SERAC1: variants seen among roughly 807,000 people sequenced by gnomAD.
SERAC1 encodes protein SERAC1.
A neutral mutation model predicts 85.7 loss-of-function variants in SERAC1; 36 were observed. That is an observed-to-expected ratio of 0.42 (90% CI 0.32 to 0.55). The LOEUF is 0.55. Among genes scored for constraint, SERAC1 ranks in the 20% least tolerant of loss-of-function variants. The probability of loss-of-function intolerance (pLI) is 0.11; values close to 1 mark genes in which losing one functional copy is unlikely to be tolerated. For synonymous variants in SERAC1, 242 were observed against 265.3 expected (o/e 0.91, Z 0.85); for missense variants, 629 against 796.2 (o/e 0.79, Z 2.53).
intron 1 of SERAC1, among the ~76,000 whole-genome samples, chr6:158,160,201 C>T (rs1040802966): frequency 1.3e-5 from 2 of 151,814 alleles, no homozygotes. Context: ...TGTCGATTTA[C>T]CCCTTTTGTT....
At chr6:158,130,691 G>A (rs574911168) in intron 8 of SERAC1, among the ~76,000 whole-genome samples, 7 of 152,174 alleles carry the variant, frequency 4.6e-5, no homozygotes, top group Admixed American at 2.0e-4. Flanking sequence ...CAAGAAGAGC[G>A]CAACCTGTGT....
At chr6:158,137,028 C>T (rs987603625) in intron 8 of SERAC1, among the ~76,000 whole-genome samples, 2 of 151,828 alleles carry the variant, frequency 1.3e-5, no homozygotes, top group Admixed American at 6.6e-5. Flanking sequence ...CATGGTGGCT[C>T]GCGCCTGTAG....
rs944107365 is a variant in SERAC1, at chr6:158,117,337, A to T, written c.1403+390T>A. The stretch of plus-strand genomic sequence containing the variant: ...TGTATACAACTGGCACAGATGACAT[A>T]CAAGGGAAATAGCAGCTGATATTTC... On this transcript the variant is annotated intron_variant, in intron 13 of 16. Coordinates refer to ENST00000647468, the MANE Select transcript of SERAC1 (RefSeq NM_032861.4). This position sits in a 1 kb window ranked among gnomAD's most constrained non-coding sequence, Gnocchi z 4.3. 3.2e-6 allele frequency: 2 copies of T among 627,104 alleles called. No individual in the cohort carries two copies. The highest frequency in any genetic ancestry group is 6.0e-5 in the Admixed American group (2 of 33,512). The allele number at this position is 627,104 out of a possible 1,614,324, so 38.8% of individuals were successfully genotyped here. A position where few individuals can be genotyped will look rare whatever the true frequency, so the allele number is the denominator to read the frequency against.
At position 158,120,082 on chromosome 6, in the gene SERAC1, A is replaced by G. The variant is rs182245691; in HGVS notation, c.1166+343T>C. ...TCTCCTTCCTATTCAGCTGACTTCT[A>G]CAATCCAAATCAGTTATTAACTCAG... On this transcript the variant is annotated intron_variant, in intron 11 of 16. Coordinates refer to ENST00000647468, the MANE Select transcript of SERAC1 (RefSeq NM_032861.4). The surrounding 1 kb of genome is among the most constrained non-coding windows in gnomAD (Gnocchi z 4.4). Among the ~76,000 whole-genome samples the G allele has an allele frequency of 1.9e-3, 296 of 152,322 alleles. 1 individual carries two copies. The highest frequency in any genetic ancestry group is 6.5e-3 in the African/African-American group (272 of 41,574).
chr6:158,128,166 C>A lies in SERAC1; in HGVS notation c.957G>T (p.Met319Ile). 1 of 1,614,098 alleles carries A rather than the reference C, an allele frequency of 6.2e-7. No homozygotes were observed. The highest frequency in any genetic ancestry group is 8.5e-7 in the Non-Finnish European group (1 of 1,179,986). Residue 319 changes from methionine to isoleucine, a missense_variant, in exon 10 of 17, where the codon ATG (methionine) becomes ATT (isoleucine). Coordinates refer to ENST00000647468, the MANE Select transcript of SERAC1 (RefSeq NM_032861.4). ...KDCPKVQRNIMRVIGNMALNE... is the reference protein window; with the variant it reads ...KDCPKVQRNIIRVIGNMALNE... ...TCAAAGCCATATTTCCAATGACACG[C>A]ATTATATTTCTCTGTACTTTAGGGC...
intron 8 of SERAC1, among the ~76,000 whole-genome samples, chr6:158,136,477 C>T (rs565944391): frequency 1.2e-4 from 19 of 152,148 alleles, no homozygotes; most frequent in South Asian, 4.2e-4. Context: ...CGCCTCTGTA[C>T]GTGAGGAGTT....
At chr6:158,122,339 A>T (rs906615697) in intron 10 of SERAC1, among the ~76,000 whole-genome samples, 4 of 152,258 alleles carry the variant, frequency 2.6e-5, no homozygotes, top group Non-Finnish European at 5.9e-5. Flanking sequence ...GTAAAAAATA[A>T]TGAAATAACT....
In SERAC1 at chr6:158,146,781, C is replaced by T; in HGVS notation, c.487+1G>A. Reference sequence around the variant, plus strand: ...GCCACCTGTTCAGGTAGTCTCATTACCATGCCAGTGATGGGTCTCCGACAT... The same window carrying T: ...GCCACCTGTTCAGGTAGTCTCATTATCATGCCAGTGATGGGTCTCCGACAT... On this transcript the variant is annotated splice_donor_variant, in intron 6 of 16. Transcript: ENST00000647468. LOFTEE classifies it high-confidence loss of function. 2 of 1,613,324 alleles carry T rather than the reference C, an allele frequency of 1.2e-6. No homozygotes were observed. Among genetic ancestry groups the T allele is most frequent in the Non-Finnish European group, 1.7e-6 (2 of 1,179,506 alleles).
intron 1 of SERAC1, among the ~76,000 whole-genome samples, chr6:158,163,823 G>A (rs552395398): frequency 7.2e-5 from 11 of 151,976 alleles, no homozygotes; most frequent in South Asian, 4.2e-4. Flanking sequence ...TGCAACCTCC[G>A]CCTCCCAGGT....
At chr6:158,124,981 G>T (rs913016529) in intron 10 of SERAC1, among the ~76,000 whole-genome samples, 2 of 151,976 alleles carry the variant, frequency 1.3e-5, no homozygotes, top group Non-Finnish European at 2.9e-5. Flanking sequence ...CATATATACA[G>T]AAAAAAGGGA....
At chr6:158,167,396 G>C (rs1785626731) in intron 1 of SERAC1, among the ~76,000 whole-genome samples, 1 of 151,660 alleles carries the variant, frequency 6.6e-6, no homozygotes, top group African/African-American at 2.4e-5. Context: ...AAATCAGCCG[G>C]GCGTGGTAGC....
chr6:158,140,793 A>C (rs979667311), intron 8 of SERAC1, among the ~76,000 whole-genome samples: 1 of 152,164 alleles, frequency 6.6e-6, no homozygotes, highest in Non-Finnish European at 1.5e-5. Context: ...AAATTGAAGG[A>C]CACTGAGCTG....
intron 8 of SERAC1, among the ~76,000 whole-genome samples, chr6:158,140,110 A>T (rs1399274621): frequency 2.0e-5 from 3 of 152,216 alleles, no homozygotes; most frequent in Non-Finnish European, 4.4e-5. Context: ...TGATATTGAG[A>T]TCTAATAAGA....
intron 13 of SERAC1, 162 bp from the exon 14 acceptor site, chr6:158,116,444 T>TA: frequency 1.7e-6 from 1 of 586,900 alleles, no homozygotes; most frequent in Non-Finnish European, 3.0e-6. Context: ...AAAATACCCC[T>TA]ATTCTCTCTT....
intron 3 of SERAC1, among the ~76,000 whole-genome samples, chr6:158,152,422 A>G (rs1266129943): frequency 6.6e-6 from 1 of 152,184 alleles, no homozygotes; most frequent in African/African-American, 2.4e-5. Context: ...AGGCTGAGAC[A>G]GGAGAATTGC....
chr6:158,157,286 C>T (rs369585905), intron 2 of SERAC1, among the ~76,000 whole-genome samples: 1 of 152,042 alleles, frequency 6.6e-6, no homozygotes, highest in African/African-American at 2.4e-5. Context: ...CATGAGTCAC[C>T]GCACCCAGCC....
In SERAC1 at chr6:158,117,416, A is replaced by C. The variant is rs1784315239; in HGVS notation, c.1403+311T>G. The C allele has an allele frequency of 1.7e-6, 2 of 1,202,420 alleles. No individual in the cohort carries two copies. Among genetic ancestry groups the C allele is most frequent in the Non-Finnish European group, 2.3e-6 (2 of 865,244 alleles). 74.5% of individuals were successfully genotyped at this position (1,202,420 alleles called of 1,614,324 possible). The stretch of plus-strand genomic sequence containing the variant: ...CCAGTATGATTGTGGACACAAGAAC[A>C]AAAAAACATCACTTTTACTTCTGAT... On this transcript the variant is annotated intron_variant, in intron 13 of 16. Transcript: ENST00000647468. This position sits in a 1 kb window ranked among gnomAD's most constrained non-coding sequence, Gnocchi z 4.3.
At chr6:158,141,379 CTA>C (rs1380022928) in intron 8 of SERAC1, among the ~76,000 whole-genome samples, 1 of 152,120 alleles carries the variant, frequency 6.6e-6, no homozygotes, top group Non-Finnish European at 1.5e-5. Flanking sequence ...TTATACAACT[CTA>C]TGAGTATATT....
At chr6:158,160,075 C>CTGCTAATTTATTTTTCACAGCTCCT (rs1785452310) in intron 1 of SERAC1, among the ~76,000 whole-genome samples, 1 of 152,012 alleles carries the variant, frequency 6.6e-6, no homozygotes, top group Non-Finnish European at 1.5e-5. Flanking sequence ...TTCTATAGTC[C>CTGCTAATTTATTTTTCACAGCTCCT]TGCTAATTTA....
Sources: allele counts gnomAD v4.1 joint callset (sites outside exome capture counted in the v4.1 genomes callset), GRCh38; gene constraint gnomAD v4.1.1; non-coding constraint Gnocchi (gnomAD v3.1); transcripts MANE v1.5; gene names NCBI Gene and HGNC (gene_info 2026-07-23, HGNC 2026-07-21).